TTLL1: variants seen among roughly 807,000 people sequenced by gnomAD.
TTLL1 encodes TTL family tubulin polyglutamylase complex subunit L1.
A neutral mutation model predicts 47.8 loss-of-function variants in TTLL1; 33 were observed. That is an observed-to-expected ratio of 0.69 (90% CI 0.52 to 0.92). The LOEUF is 0.92. Ranked by LOEUF, TTLL1 falls within the 40% of genes least tolerant of loss-of-function variation. The pLI is 0.00. For missense variants in TTLL1, 488 were observed against 547.5 expected, an observed-to-expected ratio of 0.89 and a Z score of 1.08; for synonymous variants, 225 against 214.1, an observed-to-expected ratio of 1.05 and a Z score of -0.45.
At chr22:43,059,833 G>A (rs1229484465) in intron 7 of TTLL1, among the ~76,000 whole-genome samples, 1 of 152,104 alleles carries the variant, frequency 6.6e-6, no homozygotes, top group Non-Finnish European at 1.5e-5. Flanking sequence ...GGGACTACAG[G>A]CATGTGCCAC....
intron 3 of TTLL1, among the ~76,000 whole-genome samples, chr22:43,074,640 A>G (rs1928364955): frequency 6.6e-6 from 1 of 152,036 alleles, no homozygotes; most frequent in African/African-American, 2.4e-5. Context: ...CAGGAGTTTG[A>G]GACCAGCCTG....
intron 1 of TTLL1, among the ~76,000 whole-genome samples, chr22:43,082,152 C>A (rs1306231265): frequency 7.0e-6 from 1 of 142,750 alleles, no homozygotes; most frequent in African/African-American, 2.7e-5. Flanking sequence ...GCACCTGGAC[C>A]CCTTCCATTT....
At chr22:43,062,180 G>A (rs1006257737) in intron 7 of TTLL1, among the ~76,000 whole-genome samples, 8 of 150,954 alleles carry the variant, frequency 5.3e-5, no homozygotes, top group African/African-American at 1.9e-4. Flanking sequence ...CCCATAGCAA[G>A]TTGAAAATAT....
At chr22:43,046,355 G>C in intron 10 of TTLL1, 55 bp downstream of exon 10, 5 of 1,599,454 alleles carry the variant, frequency 3.1e-6, no homozygotes, top group Non-Finnish European at 4.3e-6. Context: ...CTGGGCTATG[G>C]CACACGCCAT....
chr22:43,043,579 C>T (rs62231638), intron 10 of TTLL1, among the ~76,000 whole-genome samples: 1,901 of 152,214 alleles, frequency 0.012, 21 homozygotes, highest in Non-Finnish European at 0.021. Context: ...CCCAGACTCA[C>T]CCTCTGTGGG....
intron 3 of TTLL1, among the ~76,000 whole-genome samples, chr22:43,071,517 C>G (rs899713265): frequency 2.6e-5 from 4 of 152,210 alleles, no homozygotes; most frequent in African/African-American, 7.2e-5. Context: ...TCGAGCCATT[C>G]TCCTGCCTCA....
intron 8 of TTLL1, among the ~76,000 whole-genome samples, chr22:43,053,882 T>A (rs900969496): frequency 1.3e-5 from 2 of 152,166 alleles, no homozygotes; most frequent in Non-Finnish European, 2.9e-5. Flanking sequence ...AACAGCTAAC[T>A]TTTTCTCAAA....
chr22:43,087,030 C>T (rs1180174828), intron 1 of TTLL1, among the ~76,000 whole-genome samples: 2 of 152,176 alleles, frequency 1.3e-5, no homozygotes, highest in Non-Finnish European at 2.9e-5. Context: ...GGCCTTCTTT[C>T]AGCTCCTGAC....
chr22:43,060,642 G>A (rs772894229), intron 7 of TTLL1, among the ~76,000 whole-genome samples: 9 of 152,206 alleles, frequency 5.9e-5, no homozygotes, highest in Non-Finnish European at 1.3e-4. Context: ...GGGCTGGGAT[G>A]GGGCTGGGCC....
intron 3 of TTLL1, 56 bp from the exon 4 acceptor site, chr22:43,069,900 C>T: frequency 6.3e-7 from 1 of 1,597,098 alleles, no homozygotes; most frequent in East Asian, 2.2e-5. Flanking sequence ...GGCAGAAGTC[C>T]TTTGTTCCCG....
At chr22:43,077,100 CA>C (rs879815151) in intron 2 of TTLL1, among the ~76,000 whole-genome samples, 99 of 144,006 alleles carry the variant, frequency 6.9e-4, no homozygotes, top group African/African-American at 1.1e-3. Context: ...GACTCCACCT[CA>C]AAAAAAAAAA....
chr22:43,065,332 C>G lies in TTLL1; in HGVS notation c.504-1008G>C, dbSNP rs958518501. ...TGAGACACAGTCTTCCTCTGTCACC[C>G]AGGCTGGAGTGCACTGGCGTGATCT... On this transcript the variant is annotated intron_variant, in intron 5 of 10. Transcript: ENST00000266254. 7.2e-5 allele frequency among the ~76,000 whole-genome samples: 11 copies of G among 152,108 alleles called. No homozygotes were observed. In the South Asian group the frequency reaches 1.5e-3, roughly 20 times the overall value.
chr22:43,042,444 A>C (rs1046486130), intron 10 of TTLL1, among the ~76,000 whole-genome samples: 1 of 152,222 alleles, frequency 6.6e-6, no homozygotes, highest in Admixed American at 6.5e-5. Context: ...TTTTCACAGA[A>C]ACAATCTAGT....
intron 8 of TTLL1, among the ~76,000 whole-genome samples, chr22:43,058,766 C>G (rs1442003440): frequency 1.3e-5 from 2 of 152,124 alleles, no homozygotes; most frequent in African/African-American, 2.4e-5. Flanking sequence ...GCGATCGCGG[C>G]TCACTGCAAC....
At position 43,048,931 on chromosome 22, in the gene TTLL1, T is replaced by C. The variant is rs542940632; in HGVS notation, c.979-2358A>G. On this transcript the variant is annotated intron_variant, in intron 9 of 10. Coordinates refer to ENST00000266254, the MANE Select transcript of TTLL1 (RefSeq NM_012263.5). Reference sequence around the variant, plus strand: ...CAGCCTGGGTGACAGAGCAGGACTCTGTCTCAAAAAAATAAAAATAAAAAA... The same window carrying C: ...CAGCCTGGGTGACAGAGCAGGACTCCGTCTCAAAAAAATAAAAATAAAAAA... Among the ~76,000 whole-genome samples the C allele has an allele frequency of 2.5e-3, 379 of 151,606 alleles. 3 individuals carry two copies. Among genetic ancestry groups the C allele is most frequent in the African/African-American group, 8.6e-3 (356 of 41,312 alleles).
chr22:43,077,311 G>C (rs539298332), intron 2 of TTLL1, among the ~76,000 whole-genome samples: 23 of 152,064 alleles, frequency 1.5e-4, no homozygotes, highest in Admixed American at 7.2e-4. Context: ...GGGCCCCTCC[G>C]CCTGCAGCAT....
At chr22:43,047,782 T>G (rs1268583958) in intron 9 of TTLL1, among the ~76,000 whole-genome samples, 1 of 152,050 alleles carries the variant, frequency 6.6e-6, no homozygotes, top group Admixed American at 6.6e-5. Flanking sequence ...CACTACTTAT[T>G]TACTCATATT....
intron 10 of TTLL1, among the ~76,000 whole-genome samples, chr22:43,043,883 A>G (rs1369428939): frequency 6.6e-6 from 1 of 151,994 alleles, no homozygotes; most frequent in Non-Finnish European, 1.5e-5. Context: ...CTCCTAGTTC[A>G]TGGTGGTGGG....
chr22:43,087,211 T>A (rs1929278697), intron 1 of TTLL1, among the ~76,000 whole-genome samples: 1 of 152,204 alleles, frequency 6.6e-6, no homozygotes, highest in African/African-American at 2.4e-5. Context: ...AGCAATCATT[T>A]AGTCCAGTGC....
Sources: gnomAD v4.1 joint callset for allele counts (sites outside exome capture counted in the v4.1 genomes callset) on GRCh38, gnomAD v4.1.1 for gene constraint, MANE v1.5 for transcripts, NCBI Gene and HGNC (gene_info 2026-07-23, HGNC 2026-07-21) for gene names.